The following KLK5 variants were observed in gnomAD, a reference collection of about 807,000 sequenced individuals.
KLK5 encodes the protein kallikrein related peptidase 5, also known as kallikrein-5.
A neutral mutation model predicts 24.0 loss-of-function variants in KLK5; 18 were observed. The ratio of observed to expected loss-of-function variants is 0.75; its 90% confidence interval spans 0.52 to 1.11. The LOEUF (loss-of-function observed/expected upper bound fraction) is 1.11, where lower values mean the gene tolerates loss of function less well. KLK5 is among the 50% of genes most tolerant of loss of function. The pLI is 0.00. For missense variants in KLK5, 374 were observed against 379.2 expected, an observed-to-expected ratio of 0.99 and a Z score of 0.11; for synonymous variants, 140 against 154.0, an observed-to-expected ratio of 0.91 and a Z score of 0.67.
Position 50,948,708 on chromosome 19 carries a change from C to G in KLK5, c.658G>C (p.Ala220Pro). 6.2e-7 allele frequency: 1 copy of G among 1,614,194 alleles called. No homozygotes were observed. Among genetic ancestry groups the G allele is most frequent in the Non-Finnish European group, 8.5e-7 (1 of 1,180,044 alleles). The change falls in exon 5 of 6, where the codon GCT becomes CCT. Residue 220 changes from alanine to proline, a missense_variant. Ala to Pro is a conservative substitution (Grantham distance 27). Coordinates refer to ENST00000336334, the MANE Select transcript of KLK5 (RefSeq NM_012427.5). ...GTGTCATCTATCTGTCTCGGGTAAG[C>G]ATCCTCGCACCTTTTCTGACTTAGC... ...SVLSQKRCEDAYPRQIDDTMF... is the reference protein window; with the variant it reads ...SVLSQKRCEDPYPRQIDDTMF...
intron 5 of KLK5, among the ~76,000 whole-genome samples, chr19:50,945,580 G>T (rs1255455656): frequency 6.6e-6 from 1 of 151,638 alleles, no homozygotes; most frequent in Non-Finnish European, 1.5e-5. Flanking sequence ...ATCACTGGAG[G>T]TCAGGAGTTC....
chr19:50,950,313 G>A (rs2090676311), intron 2 of KLK5, 197 bp from the exon 3 acceptor site: 4 of 605,312 alleles, frequency 6.6e-6, no homozygotes, highest in Non-Finnish European at 1.2e-5. Context: ...CTCAGGTAGG[G>A]TTACTGGACT....
rs542731753 is a variant in KLK5, at chr19:50,951,663, C to T, written c.73+922G>A. 5.3e-5 allele frequency among the ~76,000 whole-genome samples: 8 copies of T among 152,308 alleles called. No individual in the cohort carries two copies. The South Asian group carries it at 1.7e-3, about 32-fold the overall frequency. ...GCACAACAGCAGTAACAGCCAAGCA[C>T]GCACGCAGTTCTGCAGACACGCCCA... On this transcript the variant is annotated intron_variant, in intron 2 of 5. Coordinates refer to ENST00000336334, the MANE Select transcript of KLK5 (RefSeq NM_012427.5).
chr19:50,949,704 A>G lies in KLK5; in HGVS notation c.335+151T>C, dbSNP rs1222951843. On this transcript the variant is annotated intron_variant, in intron 3 of 5. Coordinates refer to ENST00000336334, the MANE Select transcript of KLK5 (RefSeq NM_012427.5). ...CCTCCTGCTCCCACATCCCCAACCC[A>G]TCCCCACCAACCCTCACCTTCCATG... The G allele has an allele frequency of 1.4e-5, 7 of 512,448 alleles. 1 individual carries two copies. Among genetic ancestry groups the G allele is most frequent in the East Asian group, 5.7e-5 (1 of 17,450 alleles). 31.7% of individuals were successfully genotyped at this position (512,448 alleles called of 1,614,324 possible). A position where few individuals can be genotyped will look rare whatever the true frequency, so the allele number is the denominator to read the frequency against.
At chr19:50,949,601 C>A (rs912740306) in intron 3 of KLK5, among the ~76,000 whole-genome samples, 1 of 151,816 alleles carries the variant, frequency 6.6e-6, no homozygotes, top group Non-Finnish European at 1.5e-5. Context: ...TACCACAACA[C>A]TCTCCCCTCT....
rs2123586300 is a variant in KLK5 at position 50,952,570 on chromosome 19, C to T, written c.73+15G>A. The T allele has an allele frequency of 1.9e-6, 3 of 1,591,848 alleles. No homozygotes were observed. Among genetic ancestry groups the T allele is most frequent in the Middle Eastern group, 1.7e-4 (1 of 5,972 alleles). The stretch of plus-strand genomic sequence containing the variant: ...TCCCAATCCCACAACCCTCCCACCC[C>T]AGAGTTCTGGTTACCTGTGACCCCC... On this transcript the variant is annotated intron_variant, in intron 2 of 5. Transcript: ENST00000336334.
intron 2 of KLK5, among the ~76,000 whole-genome samples, chr19:50,952,069 A>G (rs776618487): frequency 5.3e-5 from 8 of 152,040 alleles, no homozygotes; most frequent in Non-Finnish European, 1.2e-4. Flanking sequence ...ACGGGCATCC[A>G]TAACGTCACA....
At position 50,949,930 on chromosome 19, in the gene KLK5, C is replaced by T; in HGVS notation, c.260G>A (p.Arg87Lys). The change falls in exon 3 of 6, where the codon AGG (arginine) becomes AAG (lysine). Residue 87 changes from arginine (R) to lysine (K), a missense_variant. By Grantham distance (26) the Arg-to-Lys change is conservative. Coordinates refer to ENST00000336334, the MANE Select transcript of KLK5 (RefSeq NM_012427.5). The part of the protein sequence containing the change: ...TQPWQAALLL[R>K]PNQLYCGAVL... ...CGCCCCGCAGTAGAGCTGGTTGGGC[C>T]TTAGCAACAGCGCGGCCTGCCACGG... 6.2e-7 allele frequency: 1 copy of T among 1,613,730 alleles called. No individual in the cohort carries two copies. The highest frequency in any genetic ancestry group is 8.5e-7 in the Non-Finnish European group (1 of 1,180,010).
intron 5 of KLK5, among the ~76,000 whole-genome samples, chr19:50,945,038 T>TCC (rs1201421724): frequency 4.2e-5 from 6 of 142,648 alleles, no homozygotes; most frequent in South Asian, 2.2e-4. Context: ...CCTTCCTTTC[T>TCC]TTCTCCTTCC....
chr19:50,950,630 G>A (rs1165848761), intron 2 of KLK5, among the ~76,000 whole-genome samples: 2 of 152,062 alleles, frequency 1.3e-5, no homozygotes, highest in African/African-American at 4.8e-5. Context: ...GGTGGCTCAC[G>A]CCTGTAACCC....
intron 4 of KLK5, 31 bp downstream of exon 4, chr19:50,948,828 G>A (rs1018856929): frequency 6.2e-7 from 1 of 1,614,002 alleles, no homozygotes; most frequent in Non-Finnish European, 8.5e-7. Flanking sequence ...GGCAGAGATG[G>A]GTCGGTATCA....
Position 50,952,650 on chromosome 19 carries a change from G to T in KLK5, c.8C>A (p.Thr3Lys). 6.3e-7 allele frequency: 1 copy of T among 1,599,532 alleles called. No homozygotes were observed. Among genetic ancestry groups the T allele is most frequent in the South Asian group, 1.1e-5 (1 of 89,256 alleles). MA[T>K]ARPPWMWVLC... ...CACCCACATCCAGGGGGGTCTTGCT[G>T]TAGCCATGGCCGCTGCACCTGGATG... The change falls in exon 2 of 6, where the codon ACA becomes AAA. Residue 3 changes from threonine (T) to lysine (K), a missense_variant. Physicochemically the swap from Thr to Lys is moderately conservative, Grantham distance 78. Transcript: ENST00000336334.
chr19:50,951,270 T>C (rs1027544492), intron 2 of KLK5, among the ~76,000 whole-genome samples: 5 of 151,950 alleles, frequency 3.3e-5, no homozygotes, highest in East Asian at 1.9e-4. Flanking sequence ...CTTACCCTTT[T>C]TTTTTTCTTT....
chr19:50,952,711 G>T (rs910868128), intron 1 of KLK5, 36 bp downstream of exon 1: 1 of 1,442,410 alleles, frequency 6.9e-7, no homozygotes, highest in African/African-American at 1.4e-5. Context: ...CAGGCGATCC[G>T]GGGAGCCCTT....
rs1324742255 is a variant in KLK5, at chr19:50,947,302, G to A, written c.726+1338C>T. Among the ~76,000 whole-genome samples, 1 of 152,106 alleles carries A rather than the reference G, an allele frequency of 6.6e-6. No homozygotes were observed. Among genetic ancestry groups the A allele is most frequent in the Non-Finnish European group, 1.5e-5 (1 of 68,028 alleles). ...CCACTTTTGTTCTCCAGTTGCATTG[G>A]TTTCCTCTTCTTCTTTGAATCAGCC... is the stretch of plus-strand genomic sequence containing the variant. On this transcript the variant is annotated intron_variant, in intron 5 of 5. Transcript: ENST00000336334. The surrounding 1 kb of genome is among the most constrained non-coding windows in gnomAD (Gnocchi z 8.7).
intron 3 of KLK5, 94 bp from the exon 4 acceptor site, chr19:50,949,209 C>A (rs2090662973): frequency 7.9e-7 from 1 of 1,273,566 alleles, no homozygotes; most frequent in African/African-American, 1.5e-5. Flanking sequence ...GCCCCACCCC[C>A]ATCCCCACCC....
chr19:50,950,125 G>C lies in KLK5; in HGVS notation c.74-9C>G. Reference sequence around the variant, plus strand: ...GTTGGCGAGAACATGCTCTGGGAACGGAAAATGGGTTGGGCGGGGCTCAGA... The same window carrying C: ...GTTGGCGAGAACATGCTCTGGGAACCGAAAATGGGTTGGGCGGGGCTCAGA... On this transcript the variant is annotated splice_polypyrimidine_tract_variant and intron_variant, in intron 2 of 5. Coordinates refer to ENST00000336334, the MANE Select transcript of KLK5 (RefSeq NM_012427.5). 6.2e-7 allele frequency: 1 copy of C among 1,600,688 alleles called. No individual in the cohort carries two copies. Among genetic ancestry groups the C allele is most frequent in the Non-Finnish European group, 8.5e-7 (1 of 1,170,988 alleles).
At chr19:50,951,275 T>C (rs1302143871) in intron 2 of KLK5, among the ~76,000 whole-genome samples, 2 of 152,062 alleles carry the variant, frequency 1.3e-5, no homozygotes, top group Non-Finnish European at 2.9e-5. Flanking sequence ...CCTTTTTTTT[T>C]TCTTTTTTTC....
intron 2 of KLK5, among the ~76,000 whole-genome samples, chr19:50,950,799 C>T (rs1010777706): frequency 2.8e-5 from 4 of 143,244 alleles, no homozygotes; most frequent in African/African-American, 1.0e-4. Flanking sequence ...GGTGGAGGCA[C>T]GAGAATCACT....
Sources: allele counts gnomAD v4.1 joint callset (sites outside exome capture counted in the v4.1 genomes callset), GRCh38; gene constraint gnomAD v4.1.1; non-coding constraint Gnocchi (gnomAD v3.1); transcripts MANE v1.5; gene names NCBI Gene and HGNC (gene_info 2026-07-23, HGNC 2026-07-21).